Variants in CAD observed in about 807,000 individuals in gnomAD.
CAD encodes the protein multifunctional protein CAD.
Under a neutral mutation model 237.2 loss-of-function variants are expected in CAD, and 81 were observed. The ratio of observed to expected loss-of-function variants is 0.34; its 90% CI spans 0.29 to 0.41. The LOEUF (loss-of-function observed/expected upper bound fraction) is 0.41. Ranked by LOEUF, CAD falls within the 10% of genes least tolerant of loss-of-function variation. CAD has a pLI of 1.00. For missense variants in CAD, 2,181 were observed against 2,951.7 expected (o/e 0.74, Z 6.05); for synonymous variants, 1,196 against 1,162.8 (o/e 1.03, Z -0.58).
chr2:27,218,199 C>T (rs182361369), intron 2 of CAD, among the ~76,000 whole-genome samples, 183 bp downstream of exon 2: 1 of 152,306 alleles, frequency 6.6e-6, no homozygotes, highest in East Asian at 1.9e-4. Flanking sequence ...CCTTGGGAGG[C>T]ACAGAGTGTT....
At chr2:27,234,765 T>A in intron 23 of CAD, 80 bp downstream of exon 23, 1 of 1,375,686 alleles carries the variant, frequency 7.3e-7, no homozygotes, top group Non-Finnish European at 1.0e-6. Context: ...TGTCAGTATG[T>A]AAACCAGGCA....
Position 27,217,412 on chromosome 2 carries a change from G to C in CAD, c.-140G>C. ...CAAGCGCGCCCGAGGCTCCTACGCTGCCGCGCCCGGCTTCTCTCCAGCGCC... is the reference window on the plus strand; with the variant it reads ...CAAGCGCGCCCGAGGCTCCTACGCTCCCGCGCCCGGCTTCTCTCCAGCGCC... On this transcript the variant is annotated 5_prime_UTR_variant, in exon 1 of 44. Transcript: ENST00000264705. 2 of 764,756 alleles carry C rather than the reference G, an allele frequency of 2.6e-6. No homozygotes were observed. Among genetic ancestry groups the C allele is most frequent in the Non-Finnish European group, 4.5e-6 (2 of 443,222 alleles). The allele number at this position is 764,756 out of a possible 1,614,324, so 47.4% of individuals were successfully genotyped here.
chr2:27,240,869 C>T lies in CAD; in HGVS notation c.5594-42C>T, dbSNP rs1428532159. Reference sequence around the variant, plus strand: ...GGGAATATGGGGTTTCTTTCCAAACCTCAGCCATAAATGTATATCTGTCCT... The same window carrying T: ...GGGAATATGGGGTTTCTTTCCAAACTTCAGCCATAAATGTATATCTGTCCT... On this transcript the variant is annotated intron_variant, in intron 35 of 43. Coordinates refer to ENST00000264705, the MANE Select transcript of CAD (RefSeq NM_004341.5). This position sits in a 1 kb window ranked among gnomAD's most constrained non-coding sequence, Gnocchi z 4.6. 1 of 1,607,784 alleles carries T rather than the reference C, an allele frequency of 6.2e-7. No individual in the cohort carries two copies.
rs778787192 is a variant in CAD at position 27,239,217 on chromosome 2, G to A, written c.5238G>A (p.Glu1746=). Residue 1746 remains glutamate (E), a synonymous_variant, in exon 32 of 44, where the codon GAG becomes GAA. Coordinates refer to ENST00000264705, the MANE Select transcript of CAD (RefSeq NM_004341.5). This position sits in a 1 kb window ranked among gnomAD's most constrained non-coding sequence, Gnocchi z 4.0. ...GCATCTTTCACCTGCCCCCGCAGGA[G>A]GACACCTATGTGGAGGTGTGGGGAT... ...PRRIFHLPPQ[E]DTYVEVDLEH... The A allele has an allele frequency of 3.1e-6, 5 of 1,607,400 alleles. No individual in the cohort carries two copies. Among genetic ancestry groups the A allele is most frequent in the Non-Finnish European group, 4.3e-6 (5 of 1,175,992 alleles).
Position 27,236,075 on chromosome 2 carries a change from G to A in CAD, c.4075-209G>A, listed in dbSNP as rs1443331396. Among the ~76,000 whole-genome samples, 1 of 152,144 alleles carries A rather than the reference G, an allele frequency of 6.6e-6. No homozygotes were observed. On this transcript the variant is annotated intron_variant, in intron 25 of 43. Transcript: ENST00000264705. The surrounding 1 kb of genome is among the most constrained non-coding windows in gnomAD (Gnocchi z 4.1). ...TGTGTGTGAGCTCATACTGCACCTA[G>A]TCCTTGGTAACCCATCTTACTTAGT... is the stretch of plus-strand genomic sequence containing the variant.
In CAD at chr2:27,239,313, C is replaced by G; in HGVS notation, c.5254-18C>G. ...TCTGGGGATCCTTTCCCTAGCATAA[C>G]CCATGTCCTCTGGGCAGGTGGATCT... On this transcript the variant is annotated intron_variant, in intron 32 of 43. Coordinates refer to ENST00000264705, the MANE Select transcript of CAD (RefSeq NM_004341.5). This position sits in a 1 kb window ranked among gnomAD's most constrained non-coding sequence, Gnocchi z 4.0. 1.9e-6 allele frequency: 3 copies of G among 1,610,530 alleles called. No homozygotes were observed. The highest frequency in any genetic ancestry group is 1.7e-6 in the Non-Finnish European group (2 of 1,177,202).
chr2:27,222,575 C>T lies in CAD; in HGVS notation c.552C>T (p.Gly184=), dbSNP rs954835204. ...CTCGGATCCTTGCTTTGGACTGTGG[C>T]CTCAAGTATAATCAGATCCGATGCC... ...GAPRILALDC[G]LKYNQIRCLC... The change falls in exon 5 of 44, where the codon GGC becomes GGT. Residue 184 remains glycine, a synonymous_variant. Transcript: ENST00000264705. The T allele has an allele frequency of 6.2e-7, 1 of 1,614,046 alleles. No homozygotes were observed. Among genetic ancestry groups the T allele is most frequent in the Admixed American group, 1.7e-5 (1 of 60,022 alleles).
intron 15 of CAD, among the ~76,000 whole-genome samples, chr2:27,227,347 C>A (rs951194415): frequency 6.6e-6 from 1 of 152,142 alleles, no homozygotes; most frequent in Admixed American, 6.6e-5. Context: ...CCAGCAGTGG[C>A]AGAGCATGTT....
chr2:27,224,895 T>C lies in CAD; in HGVS notation c.1386+19T>C, dbSNP rs766809763. The C allele has an allele frequency of 6.2e-7, 1 of 1,614,150 alleles. No individual in the cohort carries two copies. The highest frequency in any genetic ancestry group is 8.5e-7 in the Non-Finnish European group (1 of 1,180,000). On this transcript the variant is annotated intron_variant, in intron 10 of 43. Coordinates refer to ENST00000264705, the MANE Select transcript of CAD (RefSeq NM_004341.5). Reference sequence around the variant, plus strand: ...AACCCAGGTATGACTGGGGCAAGGCTGGAATGAAAAGAGGACTGGGCAGGG... The same window carrying C: ...AACCCAGGTATGACTGGGGCAAGGCCGGAATGAAAAGAGGACTGGGCAGGG...
chr2:27,226,834 A>G lies in CAD; in HGVS notation c.2159A>G (p.Asn720Ser), dbSNP rs756344135. The G allele has an allele frequency of 4.3e-6, 7 of 1,614,100 alleles. No individual in the cohort carries two copies. The East Asian group carries it at 1.6e-4, about 36-fold the overall frequency. The change falls in exon 15 of 44, where the codon AAC becomes AGC. Residue 720 changes from asparagine (N) to serine (S), a missense_variant and splice_region_variant. Physicochemically the swap from Asn to Ser is conservative, Grantham distance 46. This residue lies in a region of CAD where 385 missense variants were observed against 535.1 expected (regional missense o/e 0.72). Transcript: ENST00000264705. ...ALGIPLPELR[N>S]SVTGGTAAFE... ...GCATCCCACCTGCTGGACCCCAGGA[A>G]CTCTGTGACAGGGGGTACAGCAGCC...
intron 5 of CAD, 48 bp downstream of exon 5, chr2:27,222,708 G>A (rs202171544): frequency 6.2e-7 from 1 of 1,600,410 alleles, no homozygotes; most frequent in East Asian, 2.2e-5. Context: ...AGCTTGGGTG[G>A]AAGATCTATC....
Position 27,222,234 on chromosome 2 carries a change from G to C in CAD, c.393G>C (p.Gln131His). ...TRELTKKLRE[Q>H]GSLLGKLVQN... ...AGCTGACCAAGAAGTTGCGGGAACA[G>C]GGGTCTCTGCTGGGGAAGCTGGTCC... Residue 131 changes from glutamine to histidine, a missense_variant, in exon 4 of 44, where the codon CAG becomes CAC. Around this residue, in one of 12 missense-constraint regions of CAD, gnomAD observed 314 missense variants for 339.4 expected, o/e 0.93. Coordinates refer to ENST00000264705, the MANE Select transcript of CAD (RefSeq NM_004341.5). The C allele has an allele frequency of 6.2e-7, 1 of 1,614,048 alleles. No homozygotes were observed. The highest frequency in any genetic ancestry group is 8.5e-7 in the Non-Finnish European group (1 of 1,179,972).
Position 27,239,846 on chromosome 2 carries a change from C to A in CAD, c.5496+48C>A. The stretch of plus-strand genomic sequence containing the variant: ...GGGCTGGGAGGTGTTAGTCTCAGGG[C>A]AGGATGAACAGCTTGAACATTTTCA... On this transcript the variant is annotated intron_variant, in intron 34 of 43. Coordinates refer to ENST00000264705, the MANE Select transcript of CAD (RefSeq NM_004341.5). This position sits in a 1 kb window ranked among gnomAD's most constrained non-coding sequence, Gnocchi z 4.0. 1.5e-6 allele frequency: 2 copies of A among 1,293,412 alleles called. No individual in the cohort carries two copies. Among genetic ancestry groups the A allele is most frequent in the Non-Finnish European group, 2.1e-6 (2 of 938,164 alleles). 80.1% of individuals were successfully genotyped at this position (1,293,412 alleles called of 1,614,324 possible). A position where few individuals can be genotyped will look rare whatever the true frequency, so the allele number is the denominator to read the frequency against.
At chr2:27,219,292 C>G (rs1417837538) in intron 2 of CAD, among the ~76,000 whole-genome samples, 1 of 152,132 alleles carries the variant, frequency 6.6e-6, no homozygotes, top group East Asian at 1.9e-4. Flanking sequence ...CATAAACTTT[C>G]TGTTTCTATG....
At chr2:27,219,586 T>A (rs1055012436) in intron 2 of CAD, among the ~76,000 whole-genome samples, 3 of 152,030 alleles carry the variant, frequency 2.0e-5, no homozygotes, top group Admixed American at 1.3e-4. Context: ...TATTTAATTT[T>A]TTTTTATTTT....
In CAD at chr2:27,240,600, G is replaced by A. The variant is rs61575550; in HGVS notation, c.5593+239G>A. The A allele has an allele frequency of 1.4e-3, 2,145 of 1,544,578 alleles. 26 individuals carry two copies. In the African/African-American group the frequency reaches 0.026, roughly 19 times the overall value. ...CTCCGCCCAGGAGCTGGGATCCCAC[G>A]GGGCAGCAGAGCGTGGGGTAAATCC... On this transcript the variant is annotated intron_variant, in intron 35 of 43. Transcript: ENST00000264705. This position sits in a 1 kb window ranked among gnomAD's most constrained non-coding sequence, Gnocchi z 4.6.
In CAD at chr2:27,243,013, G is replaced by A. The variant is rs56252443; in HGVS notation, c.6480+40G>A. ...TGAGGAAGAAGCCAGGGCTGCTGCCGTAGGGCATCAGATATGAGGACAGAA... is the reference window on the plus strand; with the variant it reads ...TGAGGAAGAAGCCAGGGCTGCTGCCATAGGGCATCAGATATGAGGACAGAA... On this transcript the variant is annotated intron_variant, in intron 42 of 43. Coordinates refer to ENST00000264705, the MANE Select transcript of CAD (RefSeq NM_004341.5). 5.4e-3 allele frequency: 8,131 copies of A among 1,506,712 alleles called. 50 individuals carry two copies. The highest frequency in any genetic ancestry group is 0.036 in the Middle Eastern group (207 of 5,716). 93.3% of individuals were successfully genotyped at this position (1,506,712 alleles called of 1,614,324 possible). A position where few individuals can be genotyped will look rare whatever the true frequency, so the allele number is the denominator to read the frequency against.
At position 27,234,697 on chromosome 2, in the gene CAD, C is replaced by A; in HGVS notation, c.3786+12C>A. The A allele has an allele frequency of 6.2e-7, 1 of 1,612,208 alleles. No individual in the cohort carries two copies. Among genetic ancestry groups the A allele is most frequent in the South Asian group, 1.1e-5 (1 of 90,946 alleles). ...TCGTGGGAGTAAAGGTAAGGAATAT[C>A]GAAACCCTTGGGGTTAGCAGAAAAA... On this transcript the variant is annotated intron_variant, in intron 23 of 43. Coordinates refer to ENST00000264705, the MANE Select transcript of CAD (RefSeq NM_004341.5).
rs753072213 is a variant in CAD at position 27,231,628 on chromosome 2, T to G, written c.2400+48T>G. 2.6e-6 allele frequency: 3 copies of G among 1,133,408 alleles called. No individual in the cohort carries two copies. The African/African-American group carries it at 4.5e-5, about 17-fold the overall frequency. 70.2% of individuals were successfully genotyped at this position (1,133,408 alleles called of 1,614,324 possible). A position where few individuals can be genotyped will look rare whatever the true frequency, so the allele number is the denominator to read the frequency against. On this transcript the variant is annotated intron_variant, in intron 16 of 43. Transcript: ENST00000264705. Reference sequence around the variant, plus strand: ...CAATACCCCTAAAATAGACCCTGCTTCTCATCGCCCCCAGACCATGAGCTT... The same window carrying G: ...CAATACCCCTAAAATAGACCCTGCTGCTCATCGCCCCCAGACCATGAGCTT...
Sources: allele counts gnomAD v4.1 joint callset (sites outside exome capture counted in the v4.1 genomes callset), GRCh38; gene constraint gnomAD v4.1.1; regional missense constraint gnomAD v4.1.1; non-coding constraint Gnocchi (gnomAD v3.1); transcripts MANE v1.5; gene names NCBI Gene and HGNC (gene_info 2026-07-23, HGNC 2026-07-21).